PHACTR1: variants seen among roughly 807,000 people sequenced by gnomAD.
PHACTR1 encodes RPEL repeat containing 1.
In PHACTR1, 16 loss-of-function variants were observed where a neutral mutation model predicts 69.2. That is an observed-to-expected ratio of 0.23 (90% CI 0.16 to 0.35). The LOEUF (loss-of-function observed/expected upper bound fraction) is 0.35, where lower values mean the gene tolerates loss of function less well. Among genes scored for constraint, PHACTR1 ranks in the 10% least tolerant of loss-of-function variants. PHACTR1 has a pLI of 1.00. For missense variants in PHACTR1, 510 were observed against 734.7 expected (o/e 0.69, Z 3.54); for synonymous variants, 312 against 284.5 (o/e 1.10, Z -0.97).
chr6:13,071,888 T>C (rs1300955699), intron 5 of PHACTR1, among the ~76,000 whole-genome samples: 4 of 152,226 alleles, frequency 2.6e-5, no homozygotes, highest in African/African-American at 9.6e-5. Context: ...TGCTGTAGTT[T>C]GAGCCTCATG....
chr6:12,946,747 T>C (rs890129428), intron 4 of PHACTR1, among the ~76,000 whole-genome samples: 1 of 151,304 alleles, frequency 6.6e-6, no homozygotes, highest in East Asian at 1.9e-4. Flanking sequence ...GTGTCCAATA[T>C]GGTAGAGGGC....
At chr6:13,110,915 T>G (rs114213288) in intron 5 of PHACTR1, among the ~76,000 whole-genome samples, 2,286 of 151,376 alleles carry the variant, frequency 0.015, 71 homozygotes, top group African/African-American at 0.053. Context: ...TGGGTTTTTG[T>G]TTTTTGTTTT....
intron 5 of PHACTR1, among the ~76,000 whole-genome samples, chr6:13,126,141 G>T (rs1008276693): frequency 6.6e-5 from 10 of 152,036 alleles, no homozygotes; most frequent in Non-Finnish European, 1.3e-4. Flanking sequence ...AAGAAAAATG[G>T]TTCAAATCAT....
intron 4 of PHACTR1, among the ~76,000 whole-genome samples, chr6:12,872,244 C>G (rs1013135475): frequency 6.6e-6 from 1 of 151,636 alleles, no homozygotes. Context: ...TAGTGATACA[C>G]GGAACAAGAG....
chr6:13,263,342 T>TG, intron 10 of PHACTR1, among the ~76,000 whole-genome samples: 1 of 79,732 alleles, frequency 1.3e-5, no homozygotes, highest in African/African-American at 3.6e-5. Context: ...TTGTTCAGAC[T>TG]GAAAAAAAAA....
intron 5 of PHACTR1, among the ~76,000 whole-genome samples, chr6:13,101,677 A>T (rs892161123): frequency 6.6e-6 from 1 of 152,214 alleles, no homozygotes; most frequent in African/African-American, 2.4e-5. Flanking sequence ...GGTGGACAGT[A>T]TTTCACCATT....
chr6:13,070,906 G>A (rs548521539), intron 5 of PHACTR1, among the ~76,000 whole-genome samples: 13 of 152,100 alleles, frequency 8.5e-5, no homozygotes, highest in African/African-American at 2.2e-4. Context: ...TAAGTTGAAG[G>A]AGATAGAGAA....
chr6:12,906,245 G>A lies in PHACTR1; in HGVS notation c.251-147120G>A, dbSNP rs904232455. 3.9e-5 allele frequency among the ~76,000 whole-genome samples: 6 copies of A among 152,136 alleles called. No homozygotes were observed. The East Asian group carries it at 1.2e-3, about 29-fold the overall frequency. ...GACTATAGAATTACTGCAATCTAGG[G>A]ATTTGGGAGGGATATCAAAACATTT... On this transcript the variant is annotated intron_variant, in intron 4 of 14. Transcript: ENST00000332995.
At chr6:12,863,179 G>A (rs1781114180) in intron 4 of PHACTR1, among the ~76,000 whole-genome samples, 1 of 152,232 alleles carries the variant, frequency 6.6e-6, no homozygotes, top group African/African-American at 2.4e-5. Context: ...TGCTCAGGCT[G>A]CTGCAATGAA....
At chr6:12,805,422 C>G (rs1175701511) in intron 4 of PHACTR1, among the ~76,000 whole-genome samples, 1 of 152,160 alleles carries the variant, frequency 6.6e-6, no homozygotes, top group Non-Finnish European at 1.5e-5. Context: ...CAGTCTCAAA[C>G]AATCCTCGTC....
chr6:13,269,488 G>A (rs1325881156), intron 10 of PHACTR1, among the ~76,000 whole-genome samples: 1 of 152,146 alleles, frequency 6.6e-6, no homozygotes, highest in East Asian at 1.9e-4. Flanking sequence ...TACACAGCTG[G>A]CCCTTGTCAA....
intron 4 of PHACTR1, among the ~76,000 whole-genome samples, chr6:12,885,461 G>T (rs1275312556): frequency 2.0e-5 from 3 of 152,196 alleles, no homozygotes; most frequent in Admixed American, 2.0e-4. Flanking sequence ...TGGTTTTCTA[G>T]TAAGCAGGGA....
intron 4 of PHACTR1, among the ~76,000 whole-genome samples, chr6:12,980,682 T>A (rs1795416619): frequency 6.6e-6 from 1 of 152,058 alleles, no homozygotes; most frequent in Admixed American, 6.5e-5. Context: ...CTACGAAAAC[T>A]ATTTGAGACC....
At chr6:13,286,067 G>A in intron 13 of PHACTR1, 79 bp from the exon 14 acceptor site, 2 of 1,198,370 alleles carry the variant, frequency 1.7e-6, no homozygotes, top group Non-Finnish European at 2.3e-6. Flanking sequence ...AGAAAAATAT[G>A]TTGTTAGGAA....
intron 4 of PHACTR1, among the ~76,000 whole-genome samples, chr6:13,036,251 A>C (rs1405688903): frequency 6.6e-6 from 1 of 152,228 alleles, no homozygotes; most frequent in Non-Finnish European, 1.5e-5. Context: ...TCCTATCCCT[A>C]TGCATAAATA....
chr6:13,020,763 A>G (rs1248221577), intron 4 of PHACTR1, among the ~76,000 whole-genome samples: 2 of 152,124 alleles, frequency 1.3e-5, no homozygotes, highest in Non-Finnish European at 2.9e-5. Context: ...TCCACTTAAG[A>G]TATGTTCAGT....
chr6:13,069,266 G>A (rs1809143255), intron 5 of PHACTR1, among the ~76,000 whole-genome samples: 1 of 152,154 alleles, frequency 6.6e-6, no homozygotes, highest in East Asian at 1.9e-4. Context: ...CACTGTTTCT[G>A]CCACCTCTCT....
At chr6:13,166,368 T>A (rs1759812876) in intron 6 of PHACTR1, among the ~76,000 whole-genome samples, 1 of 152,224 alleles carries the variant, frequency 6.6e-6, no homozygotes, top group Non-Finnish European at 1.5e-5. Context: ...CCTCACTTCA[T>A]AAGCTCCACC....
Position 13,015,047 on chromosome 6 carries a change from C to A in PHACTR1, c.251-38318C>A, listed in dbSNP as rs182296388. 2.4e-3 allele frequency among the ~76,000 whole-genome samples: 373 copies of A among 152,328 alleles called. 4 individuals are homozygous for A. The highest frequency in any genetic ancestry group is 8.4e-3 in the African/African-American group (349 of 41,572). On this transcript the variant is annotated intron_variant, in intron 4 of 14. Coordinates refer to ENST00000332995, the MANE Select transcript of PHACTR1 (RefSeq NM_030948.6). Reference sequence around the variant, plus strand: ...ATTTTACATTGAAAGCCTTAGCTACCGGCCGACCTGAAGCTCGTCTCCATG... The same window carrying A: ...ATTTTACATTGAAAGCCTTAGCTACAGGCCGACCTGAAGCTCGTCTCCATG...
Sources: gnomAD v4.1 joint callset for allele counts (sites outside exome capture counted in the v4.1 genomes callset) on GRCh38, gnomAD v4.1.1 for gene constraint, MANE v1.5 for transcripts, NCBI Gene and HGNC (gene_info 2026-07-23, HGNC 2026-07-21) for gene names.